MLIP: variants seen among roughly 807,000 people sequenced by gnomAD.
The protein encoded by MLIP is muscular LMNA-interacting protein.
In MLIP, 79 loss-of-function variants were observed where a neutral mutation model predicts 84.8. The ratio of observed to expected loss-of-function variants is 0.93; its 90% CI spans 0.78 to 1.12. MLIP has a LOEUF of 1.12. MLIP is among the 50% of genes most tolerant of loss of function. MLIP has a pLI of 0.00. For missense variants in MLIP, 1,257 were observed against 1,160.6 expected, an observed-to-expected ratio of 1.08 and a Z score of -1.21; for synonymous variants, 504 against 463.0, an observed-to-expected ratio of 1.09 and a Z score of -1.14.
intron 1 of MLIP, among the ~76,000 whole-genome samples, chr6:54,064,086 A>T (rs1766134598): frequency 1.0e-5 from 1 of 99,992 alleles, no homozygotes; most frequent in African/African-American, 2.6e-5. Flanking sequence ...AATAATTCAG[A>T]TGTATGGGAA....
chr6:54,164,517 G>A (rs1407106404), intron 8 of MLIP, among the ~76,000 whole-genome samples: 5 of 151,842 alleles, frequency 3.3e-5, no homozygotes, highest in Non-Finnish European at 7.4e-5. Flanking sequence ...TTAGTTTACA[G>A]CTCTGAGTTT....
chr6:54,029,591 G>C (rs1764011152), intron 1 of MLIP: 1 of 152,082 alleles, frequency 6.6e-6, no homozygotes, highest in Non-Finnish European at 1.5e-5. Flanking sequence ...GGCAAAAATG[G>C]ACCAAGACTA....
upstream of MLIP, among the ~76,000 whole-genome samples, chr6:54,107,501 G>A (rs770297572): frequency 1.3e-5 from 2 of 152,128 alleles, no homozygotes; most frequent in African/African-American, 2.4e-5. Flanking sequence ...TGAGAGACAC[G>A]GATACGAACA....
intron 11 of MLIP, chr6:54,218,129 G>A (rs1779974527): frequency 3.0e-6 from 1 of 337,432 alleles, no homozygotes; most frequent in South Asian, 1.2e-4. Flanking sequence ...AATGGGATAT[G>A]TTTTGAGAAA....
chr6:54,129,244 C>G (rs1771181611), intron 3 of MLIP, among the ~76,000 whole-genome samples: 1 of 151,872 alleles, frequency 6.6e-6, no homozygotes, highest in South Asian at 2.1e-4. Flanking sequence ...AATGAAATAC[C>G]CTATTCATAC....
intron 1 of MLIP, among the ~76,000 whole-genome samples, chr6:54,091,260 T>C (rs144256200): frequency 1.3e-5 from 2 of 152,296 alleles, no homozygotes; most frequent in African/African-American, 4.8e-5. Context: ...AGTGTGTTGT[T>C]ATACATTGAG....
At chr6:54,031,916 G>A (rs1314671176) in intron 1 of MLIP, among the ~76,000 whole-genome samples, 1 of 152,178 alleles carries the variant, frequency 6.6e-6, no homozygotes, top group African/African-American at 2.4e-5. Flanking sequence ...GTGGCCATCA[G>A]TAGGCAGCTA....
chr6:54,264,111 G>C (rs559185986), intron 13 of MLIP, among the ~76,000 whole-genome samples: 2 of 152,014 alleles, frequency 1.3e-5, no homozygotes, highest in African/African-American at 2.4e-5. Flanking sequence ...TGGTGGGTTC[G>C]GGAAGAGCTG....
chr6:54,165,339 G>A (rs1251271913), intron 8 of MLIP, among the ~76,000 whole-genome samples: 5 of 151,942 alleles, frequency 3.3e-5, no homozygotes, highest in South Asian at 2.1e-4. Context: ...TGTCCCAGTC[G>A]TCATTGCTGA....
chr6:54,174,009 T>G (rs1776038007), intron 9 of MLIP, among the ~76,000 whole-genome samples: 1 of 151,972 alleles, frequency 6.6e-6, no homozygotes, highest in Non-Finnish European at 1.5e-5. Flanking sequence ...TGTGCCTGGC[T>G]TATTTCATTT....
At chr6:54,153,966 G>A (rs1650597001) in intron 5 of MLIP, among the ~76,000 whole-genome samples, 1 of 151,944 alleles carries the variant, frequency 6.6e-6, no homozygotes, top group African/African-American at 2.4e-5. Context: ...AGTGCAAGAG[G>A]CAAATGTGTT....
intron 10 of MLIP, among the ~76,000 whole-genome samples, chr6:54,201,681 G>A (rs549680771): frequency 7.9e-5 from 12 of 152,258 alleles, no homozygotes; most frequent in Admixed American, 7.2e-4. Flanking sequence ...AGATTTTGGG[G>A]CATGGAGGGT....
intron 1 of MLIP, among the ~76,000 whole-genome samples, chr6:54,041,979 T>A (rs191107255): frequency 6.6e-6 from 1 of 152,256 alleles, no homozygotes; most frequent in East Asian, 1.9e-4. Flanking sequence ...TGAGAACCAC[T>A]AGCTTAGAAG....
At chr6:54,265,814 A>T (rs1476511961) in intron 13 of MLIP, 136 bp from the exon 14 acceptor site, 1 of 735,748 alleles carries the variant, frequency 1.4e-6, no homozygotes, top group Non-Finnish European at 2.3e-6. Context: ...AAGGAATAAA[A>T]ATAAGCTTTT....
intron 12 of MLIP, among the ~76,000 whole-genome samples, chr6:54,249,353 C>A (rs917564028): frequency 3.3e-5 from 5 of 151,782 alleles, no homozygotes; most frequent in Non-Finnish European, 4.4e-5. Flanking sequence ...ATATGCTCTA[C>A]TTTTGAATTC....
rs1284122133 is a variant in MLIP at position 54,067,123 on chromosome 6, ATACACTGTAATT to A, written c.63+48036_63+48047del. Among the ~76,000 whole-genome samples, 2 of 101,036 alleles carry A rather than the reference ATACACTGTAATT, an allele frequency of 2.0e-5. 1 individual carries two copies. The highest frequency in any genetic ancestry group is 5.3e-4 in the East Asian group (2 of 3,802). The allele number at this position is 101,036 out of a possible 152,430, so 66.3% of individuals were successfully genotyped here. A position where few individuals can be genotyped will look rare whatever the true frequency, so the allele number is the denominator to read the frequency against. On this transcript the variant is annotated intron_variant, in intron 1 of 12. Coordinates refer to the MLIP transcript ENST00000274897. ...ATTCCAACATCTGTGTGGAAAACAA[ATACACTGTAATT>A]TACTGAAGGCATTTATTTATCAAGG...
At chr6:54,092,086 G>T (rs62397373) in intron 1 of MLIP, among the ~76,000 whole-genome samples, 2 of 152,108 alleles carry the variant, frequency 1.3e-5, no homozygotes, top group Non-Finnish European at 2.9e-5. Context: ...ATATCCAAGA[G>T]AGAGGATTAA....
intron 11 of MLIP, among the ~76,000 whole-genome samples, chr6:54,223,606 G>A (rs895393365): frequency 1.3e-5 from 2 of 151,914 alleles, no homozygotes; most frequent in African/African-American, 4.8e-5. Flanking sequence ...GTGCCATACT[G>A]TTTTGATTAC....
intron 9 of MLIP, among the ~76,000 whole-genome samples, 177 bp from the exon 10 acceptor site, chr6:54,189,693 A>C (rs553015627): frequency 6.6e-6 from 1 of 152,198 alleles, no homozygotes; most frequent in Non-Finnish European, 1.5e-5. Flanking sequence ...ATGGCTATGT[A>C]CCAAAAATAT....
Sources: gnomAD v4.1 joint callset for allele counts (sites outside exome capture counted in the v4.1 genomes callset) on GRCh38, gnomAD v4.1.1 for gene constraint, MANE v1.5 for transcripts, NCBI Gene and HGNC (gene_info 2026-07-23, HGNC 2026-07-21) for gene names.